The following MRPS6 variants were observed in gnomAD, a reference collection of about 807,000 sequenced individuals.
MRPS6 encodes the protein mitochondrial ribosomal protein S6.
A neutral mutation model predicts 13.1 loss-of-function variants in MRPS6; 6 were observed. The observed-to-expected ratio is 0.46, with a 90% CI of 0.25 to 0.91. The LOEUF is 0.91. MRPS6 is among the 40% of genes least tolerant of loss of function. The pLI, the probability that MRPS6 is intolerant of heterozygous loss-of-function variation, is 0.18. For missense variants in MRPS6, 164 were observed against 155.6 expected, an observed-to-expected ratio of 1.05 and a Z score of -0.29; for synonymous variants, 61 against 56.5, an observed-to-expected ratio of 1.08 and a Z score of -0.36.
intron 1 of MRPS6, among the ~76,000 whole-genome samples, chr21:34,116,131 C>T (rs1979890261): frequency 1.3e-5 from 2 of 150,940 alleles, no homozygotes; most frequent in South Asian, 2.1e-4. Context: ...ATCTTAGCTT[C>T]CTGAGTAGCT....
chr21:34,083,701 C>T (rs1440317468), intron 1 of MRPS6, among the ~76,000 whole-genome samples: 2 of 152,222 alleles, frequency 1.3e-5, no homozygotes, highest in African/African-American at 4.8e-5. Context: ...TTCCATTAGG[C>T]AGCCTAAGTC....
At chr21:34,110,351 C>G (rs926481077) in intron 1 of MRPS6, among the ~76,000 whole-genome samples, 2 of 151,426 alleles carry the variant, frequency 1.3e-5, no homozygotes, top group African/African-American at 4.9e-5. Context: ...GTAGTCCCAG[C>G]TACTCAAGAG....
At chr21:34,075,634 T>C (rs1156721186) in intron 1 of MRPS6, among the ~76,000 whole-genome samples, 6 of 152,242 alleles carry the variant, frequency 3.9e-5, no homozygotes, top group Admixed American at 2.6e-4. Flanking sequence ...TAGAAGGTTG[T>C]AACAGTGGTG....
chr21:34,092,496 G>C (rs5000990), intron 1 of MRPS6, among the ~76,000 whole-genome samples: 152,296 of 152,296 alleles, frequency 1, 76,148 homozygotes, highest in Non-Finnish European at 1. Flanking sequence ...GTACTATTTG[G>C]TACCTCTCCT....
At chr21:34,130,635 A>T (rs1413975008) in intron 2 of MRPS6, among the ~76,000 whole-genome samples, 1 of 152,228 alleles carries the variant, frequency 6.6e-6, no homozygotes, top group East Asian at 1.9e-4. Flanking sequence ...AAAGGAGGGC[A>T]CATTATCACC....
At chr21:34,089,143 A>G (rs748939247) in intron 1 of MRPS6, among the ~76,000 whole-genome samples, 10 of 151,708 alleles carry the variant, frequency 6.6e-5, no homozygotes, top group Non-Finnish European at 1.2e-4. Flanking sequence ...TCCTCTTGCC[A>G]CAGCCTCCTG....
intron 2 of MRPS6, among the ~76,000 whole-genome samples, chr21:34,139,173 CTG>C (rs1980814449): frequency 9.0e-6 from 1 of 111,700 alleles, no homozygotes; most frequent in South Asian, 3.0e-4. Context: ...ACATCACACT[CTG>C]GGGACTGTTG....
chr21:34,089,968 A>ATTT (rs1978599382), intron 1 of MRPS6, among the ~76,000 whole-genome samples: 1 of 152,150 alleles, frequency 6.6e-6, no homozygotes, highest in Admixed American at 6.5e-5. Context: ...AGTGTTTTGG[A>ATTT]TTGTGGGATA....
In MRPS6 at chr21:34,079,602, A is replaced by ATTTTTTTTTT. The variant is rs398036389; in HGVS notation, c.45+5879_45+5888dup. ...AGGCATGCGCCACCAGACCCAGCTA[A>ATTTTTTTTTT]TTTTTTTTTTTTTTTTTTTTTTTTT... On this transcript the variant is annotated intron_variant, in intron 1 of 2. Transcript: ENST00000399312. 4.6e-5 allele frequency among the ~76,000 whole-genome samples: 2 copies of ATTTTTTTTTT among 43,660 alleles called. 1 individual carries two copies. The highest frequency in any genetic ancestry group is 1.7e-4 in the African/African-American group (2 of 11,756). The allele number at this position is 43,660 out of a possible 152,430, so 28.6% of individuals were successfully genotyped here.
chr21:34,125,185 A>G, intron 1 of MRPS6, 156 bp from the exon 2 acceptor site: 1 of 1,131,362 alleles, frequency 8.8e-7, no homozygotes. Context: ...TCTCTCTTTT[A>G]TTTTAAGTTA....
intron 1 of MRPS6, among the ~76,000 whole-genome samples, chr21:34,090,787 T>C (rs961310354): frequency 9.9e-5 from 15 of 152,140 alleles, no homozygotes; most frequent in Admixed American, 2.6e-4. Context: ...TTGAGGCTCA[T>C]AGAGATGAAG....
chr21:34,102,377 T>C lies in MRPS6; in HGVS notation c.46-22964T>C, dbSNP rs1223574361. 4.0e-6 allele frequency: 4 copies of C among 995,364 alleles called. No individual in the cohort carries two copies. In the Admixed American group the frequency reaches 2.7e-4, roughly 68 times the overall value. 61.7% of individuals were successfully genotyped at this position (995,364 alleles called of 1,614,324 possible). ...ATGTTGTGAGAATTGATGTAATTTCTGTTTCTGTTTCCATCTAAACTTCTT... is the reference window on the plus strand; with the variant it reads ...ATGTTGTGAGAATTGATGTAATTTCCGTTTCTGTTTCCATCTAAACTTCTT... On this transcript the variant is annotated intron_variant, in intron 1 of 2. Transcript: ENST00000399312.
At chr21:34,085,231 T>G (rs367591646) in intron 1 of MRPS6, among the ~76,000 whole-genome samples, 1 of 152,234 alleles carries the variant, frequency 6.6e-6, no homozygotes. Flanking sequence ...CCTACTGTTT[T>G]GCAGAAACCC....
intron 1 of MRPS6, chr21:34,101,236 ATTAGAT>A (rs1979223860): frequency 1.0e-6 from 1 of 1,000,040 alleles, no homozygotes; most frequent in African/African-American, 1.7e-5. Context: ...AATCATTTTC[ATTAGAT>A]TTAGAGCTTG....
At chr21:34,122,118 A>G (rs1291903155) in intron 1 of MRPS6, 1 of 152,192 alleles carries the variant, frequency 6.6e-6, no homozygotes, top group Non-Finnish European at 1.5e-5. Context: ...ACAATATAGA[A>G]CCAGGGGTTG....
At chr21:34,097,452 CTGTAG>C (rs761296422) in intron 1 of MRPS6, 845 of 1,474,440 alleles carry the variant, frequency 5.7e-4, no homozygotes, top group Non-Finnish European at 7.3e-4. Context: ...ATTGTTTACG[CTGTAG>C]GTTTTAGCCA....
chr21:34,099,194 T>G (rs774327064), intron 1 of MRPS6: 2 of 999,980 alleles, frequency 2.0e-6, no homozygotes, highest in Non-Finnish European at 2.4e-6. Context: ...CTTGTAGAAT[T>G]TTTTTCTCAA....
intron 1 of MRPS6, among the ~76,000 whole-genome samples, chr21:34,109,965 T>C (rs1979633463): frequency 6.6e-6 from 1 of 152,186 alleles, no homozygotes; most frequent in African/African-American, 2.4e-5. Flanking sequence ...ATTAGGTGCT[T>C]GTGTTGAATC....
At chr21:34,078,471 T>C (rs1038761166) in intron 1 of MRPS6, among the ~76,000 whole-genome samples, 3 of 152,168 alleles carry the variant, frequency 2.0e-5, no homozygotes, top group Admixed American at 2.0e-4. Context: ...GAAGTTGACA[T>C]TTTGCACTAA....
Sources: gnomAD v4.1 joint callset for allele counts (sites outside exome capture counted in the v4.1 genomes callset) on GRCh38, gnomAD v4.1.1 for gene constraint, MANE v1.5 for transcripts, NCBI Gene and HGNC (gene_info 2026-07-23, HGNC 2026-07-21) for gene names.